The following KCNK2 variants were observed in gnomAD, a reference collection of about 807,000 sequenced individuals.
KCNK2 encodes the protein potassium channel subfamily K member 2.
In KCNK2, 21 loss-of-function variants were observed where a neutral mutation model predicts 40.5. That is an observed-to-expected ratio of 0.52 (90% CI 0.37 to 0.75). The LOEUF (loss-of-function observed/expected upper bound fraction) is 0.75, where lower values mean the gene tolerates loss of function less well. Among genes scored for constraint, KCNK2 ranks in the 30% least tolerant of loss-of-function variants. The pLI is 0.00. For synonymous variants in KCNK2, 191 were observed against 202.2 expected, an observed-to-expected ratio of 0.94 and a Z score of 0.47; for missense variants, 399 against 531.6, an observed-to-expected ratio of 0.75 and a Z score of 2.45.
chr1:215,210,044 A>C (rs1245762883), intron 6 of KCNK2, among the ~76,000 whole-genome samples: 1 of 118,070 alleles, frequency 8.5e-6, no homozygotes, highest in Non-Finnish European at 1.7e-5. Flanking sequence ...AATATATATA[A>C]TATATATATA....
At chr1:215,053,089 A>T (rs1373970321) in intron 1 of KCNK2, among the ~76,000 whole-genome samples, 2 of 151,994 alleles carry the variant, frequency 1.3e-5, no homozygotes, top group Non-Finnish European at 2.9e-5. Context: ...TTAAAAAATA[A>T]ATTTAATTTA....
intron 1 of KCNK2, among the ~76,000 whole-genome samples, chr1:215,007,599 T>C (rs538548449): frequency 6.6e-6 from 1 of 152,138 alleles, no homozygotes; most frequent in East Asian, 1.9e-4. Context: ...TATCACTTAG[T>C]ATAGACATGT....
At chr1:215,063,719 G>A (rs549931678) in intron 1 of KCNK2, among the ~76,000 whole-genome samples, 1 of 152,280 alleles carries the variant, frequency 6.6e-6, no homozygotes, top group South Asian at 2.1e-4. Context: ...TCTTGTGATT[G>A]GGACGAGAAT....
At chr1:215,065,981 T>G (rs1658524456) in intron 1 of KCNK2, among the ~76,000 whole-genome samples, 1 of 152,090 alleles carries the variant, frequency 6.6e-6, no homozygotes, top group African/African-American at 2.4e-5. Flanking sequence ...TTGATGAAGC[T>G]GGAAGCCATC....
At chr1:215,121,781 T>G (rs1402467780) in intron 2 of KCNK2, among the ~76,000 whole-genome samples, 1 of 152,222 alleles carries the variant, frequency 6.6e-6, no homozygotes, top group Non-Finnish European at 1.5e-5. Flanking sequence ...AATTGTAAAA[T>G]TGTTTCTCTT....
chr1:215,081,855 C>T (rs926717543), upstream of KCNK2: 1 of 152,262 alleles, frequency 6.6e-6, no homozygotes, highest in Non-Finnish European at 1.5e-5. Flanking sequence ...CTTTCTTCCC[C>T]TCCTTGGTGG....
intron 2 of KCNK2, among the ~76,000 whole-genome samples, chr1:215,086,951 A>G (rs1659470968): frequency 6.6e-6 from 1 of 151,732 alleles, no homozygotes; most frequent in African/African-American, 2.4e-5. Flanking sequence ...GTTCTTCTGT[A>G]TTTCTTTCCT....
At chr1:215,101,067 C>G (rs1359758578) in intron 2 of KCNK2, among the ~76,000 whole-genome samples, 5 of 152,012 alleles carry the variant, frequency 3.3e-5, no homozygotes, top group Admixed American at 1.3e-4. Context: ...ACATCTAAAG[C>G]AAGAAATAGT....
chr1:215,084,600 T>C (rs915123748), intron 1 of KCNK2, among the ~76,000 whole-genome samples: 2 of 152,174 alleles, frequency 1.3e-5, no homozygotes, highest in African/African-American at 4.8e-5. Flanking sequence ...ATTTTAACAG[T>C]TTTTTTTAAT....
chr1:215,047,227 G>A, intron 1 of KCNK2, among the ~76,000 whole-genome samples: 1 of 152,004 alleles, frequency 6.6e-6, no homozygotes, highest in Non-Finnish European at 1.5e-5. Flanking sequence ...AGTGGGTTTT[G>A]GACAATACTA....
intron 6 of KCNK2, among the ~76,000 whole-genome samples, chr1:215,210,987 A>G (rs1665721159): frequency 6.6e-6 from 1 of 152,112 alleles, no homozygotes; most frequent in Non-Finnish European, 1.5e-5. Flanking sequence ...ACTCTAGATT[A>G]TTACAGAGAC....
At position 215,181,859 on chromosome 1, in the gene KCNK2, G is replaced by A. The variant is rs1664230134; in HGVS notation, c.823+9676G>A. Among the ~76,000 whole-genome samples, 3 of 152,330 alleles carry A rather than the reference G, an allele frequency of 2.0e-5. No individual in the cohort carries two copies. In the South Asian group the frequency reaches 6.2e-4, roughly 32 times the overall value. On this transcript the variant is annotated intron_variant, in intron 5 of 6. Transcript: ENST00000444842. ...TTTTGAGCTCTCTGCTCAGGCCAGGGGAGGCCACGATAGGCAGGGCTGGGC... is the reference window on the plus strand; with the variant it reads ...TTTTGAGCTCTCTGCTCAGGCCAGGAGAGGCCACGATAGGCAGGGCTGGGC...
chr1:215,091,639 G>A (rs1659698091), intron 2 of KCNK2, among the ~76,000 whole-genome samples: 2 of 152,178 alleles, frequency 1.3e-5, no homozygotes, highest in South Asian at 2.1e-4. Flanking sequence ...TACATTTGCT[G>A]GGGAAGGTAA....
At chr1:215,187,043 C>T (rs953851744) in intron 5 of KCNK2, among the ~76,000 whole-genome samples, 61 of 152,246 alleles carry the variant, frequency 4.0e-4, no homozygotes, top group African/African-American at 1.4e-3. Context: ...GATCGTGGCT[C>T]ACTGCAGCCT....
chr1:215,083,578 A>G, intron 1 of KCNK2, 147 bp downstream of exon 1: 1 of 659,602 alleles, frequency 1.5e-6, no homozygotes, highest in Non-Finnish European at 2.7e-6. Context: ...CATAATCTGG[A>G]TTTGGAGGCA....
At chr1:215,232,536 T>C (rs1214441619) in intron 6 of KCNK2, among the ~76,000 whole-genome samples, 1 of 152,202 alleles carries the variant, frequency 6.6e-6, no homozygotes, top group Non-Finnish European at 1.5e-5. Context: ...AATTTATTCA[T>C]TTAACAGGTA....
chr1:215,165,604 T>C lies in KCNK2; in HGVS notation c.476-3595T>C, dbSNP rs368225808. On this transcript the variant is annotated intron_variant, in intron 3 of 6. Coordinates refer to ENST00000444842, the MANE Select transcript of KCNK2 (RefSeq NM_001017425.3). The stretch of plus-strand genomic sequence containing the variant: ...CATATATTGAGCACATATAGTATAA[T>C]AGAGTAAGCACTTTTCACATAGTAC... Among the ~76,000 whole-genome samples the C allele has an allele frequency of 5.6e-4, 85 of 152,268 alleles. No homozygotes were observed. In the South Asian group the frequency reaches 0.017, roughly 31 times the overall value.
chr1:215,040,840 T>A (rs979512999), intron 1 of KCNK2, among the ~76,000 whole-genome samples: 1 of 152,172 alleles, frequency 6.6e-6, no homozygotes, highest in African/African-American at 2.4e-5. Flanking sequence ...ATCCAACATT[T>A]GACAGGACAC....
chr1:215,178,271 G>A (rs1457296757), intron 5 of KCNK2, among the ~76,000 whole-genome samples: 2 of 152,084 alleles, frequency 1.3e-5, no homozygotes, highest in African/African-American at 2.4e-5. Flanking sequence ...GAATTTTTAA[G>A]GTTTTCTAAG....
Sources: allele counts gnomAD v4.1 joint callset (sites outside exome capture counted in the v4.1 genomes callset), GRCh38; gene constraint gnomAD v4.1.1; transcripts MANE v1.5; gene names NCBI Gene and HGNC (gene_info 2026-07-23, HGNC 2026-07-21).